NHLRC2: variants seen among roughly 807,000 people sequenced by gnomAD.
The protein encoded by NHLRC2 is NHL repeat containing 2.
NHLRC2 carries 33 observed loss-of-function variants against 68.1 expected under a neutral mutation model. That is an observed-to-expected ratio of 0.48 (90% CI 0.37 to 0.65). The LOEUF (loss-of-function observed/expected upper bound fraction) is 0.65. Ranked by LOEUF, NHLRC2 falls within the 30% of genes least tolerant of loss-of-function variation. The pLI is 0.00. For synonymous variants in NHLRC2, 311 were observed against 309.6 expected, an observed-to-expected ratio of 1.00 and a Z score of -0.05; for missense variants, 761 against 853.8, an observed-to-expected ratio of 0.89 and a Z score of 1.35.
intron 2 of NHLRC2, among the ~76,000 whole-genome samples, chr10:113,867,493 AT>A (rs1325293384): frequency 6.6e-6 from 1 of 152,032 alleles, no homozygotes; most frequent in Non-Finnish European, 1.5e-5. Context: ...TTTCATTTTT[AT>A]GTTTCCATTG....
chr10:113,892,603 A>G (rs1028951606), intron 5 of NHLRC2, among the ~76,000 whole-genome samples: 26 of 152,156 alleles, frequency 1.7e-4, no homozygotes, highest in South Asian at 6.2e-4. Context: ...TAAATTGTTA[A>G]TATGACTCTT....
intron 6 of NHLRC2, among the ~76,000 whole-genome samples, chr10:113,898,904 C>T (rs1365788700): frequency 6.6e-6 from 1 of 152,092 alleles, no homozygotes; most frequent in African/African-American, 2.4e-5. Context: ...TGGCATAGTA[C>T]CTAACATGTA....
In NHLRC2 at chr10:113,901,838, AC is replaced by A; in HGVS notation, c.1314del (p.Val439PhefsTer3). 1 of 1,614,126 alleles carries A rather than the reference AC, an allele frequency of 6.2e-7. No homozygotes were observed. The highest frequency in any genetic ancestry group is 8.5e-7 in the Non-Finnish European group (1 of 1,179,984). On this transcript the variant is annotated frameshift_variant, in exon 7 of 11. Transcript: ENST00000369301. LOFTEE classifies it high-confidence loss of function. Reference sequence around the variant, plus strand: ...AGATAGTGAGAGCAGTACAGTGAGAACCGTTTCACTGAAAGATGGAGCAGTG... The same window carrying A: ...AGATAGTGAGAGCAGTACAGTGAGAACGTTTCACTGAAAGATGGAGCAGTG... ...VADSESSTVR[T>X]VSLKDGAVKH...
rs1390221279 is a variant in NHLRC2, at chr10:113,911,796, G to T, written c.*3260G>T. ...AATTCTATAGTTAACAGTTACATAAGAATATATGCAGAGGGAAAATGTCAA... is the reference window on the plus strand; with the variant it reads ...AATTCTATAGTTAACAGTTACATAATAATATATGCAGAGGGAAAATGTCAA... On this transcript the variant is annotated 3_prime_UTR_variant, in exon 11 of 11. Coordinates refer to ENST00000369301, the MANE Select transcript of NHLRC2 (RefSeq NM_198514.4). The T allele has an allele frequency of 6.6e-6, 1 of 151,868 alleles. No homozygotes were observed. The highest frequency in any genetic ancestry group is 1.5e-5 in the Non-Finnish European group (1 of 67,954). 9.4% of individuals were successfully genotyped at this position (151,868 alleles called of 1,614,324 possible). A position where few individuals can be genotyped will look rare whatever the true frequency, so the allele number is the denominator to read the frequency against.
At chr10:113,905,806 G>A (rs919015021) in intron 10 of NHLRC2, among the ~76,000 whole-genome samples, 1 of 152,034 alleles carries the variant, frequency 6.6e-6, no homozygotes, top group African/African-American at 2.4e-5. Flanking sequence ...GCAGCCACTG[G>A]CCTGCAATTA....
chr10:113,887,495 C>A (rs911165139), intron 5 of NHLRC2, among the ~76,000 whole-genome samples: 5 of 152,182 alleles, frequency 3.3e-5, no homozygotes, highest in African/African-American at 1.2e-4. Flanking sequence ...TAAGGCTGGG[C>A]ATGGTGGCTC....
At chr10:113,903,874 CAA>C (rs1449283626) in intron 9 of NHLRC2, 138 bp downstream of exon 9, 3 of 612,954 alleles carry the variant, frequency 4.9e-6, no homozygotes, top group Non-Finnish European at 8.8e-6. Context: ...TATTCTTTGA[CAA>C]AGAGACCAGC....
intron 3 of NHLRC2, among the ~76,000 whole-genome samples, chr10:113,878,822 C>G (rs537124755): frequency 8.2e-4 from 125 of 152,274 alleles, no homozygotes; most frequent in African/African-American, 2.8e-3. Flanking sequence ...AGCCACTGTG[C>G]CAGGCCTTGG....
chr10:113,879,522 T>G (rs1242729967), intron 3 of NHLRC2, 52 bp from the exon 4 acceptor site: 1 of 1,502,988 alleles, frequency 6.7e-7, no homozygotes, highest in Non-Finnish European at 9.0e-7. Flanking sequence ...TTTGTTTTGT[T>G]TTGTTTTACC....
In NHLRC2 at chr10:113,854,752, T is replaced by G. The variant is rs1845723648; in HGVS notation, c.-121T>G. On this transcript the variant is annotated 5_prime_UTR_variant, in exon 1 of 11. Transcript: ENST00000369301. ...AGAAAAAAGTGTCATTGGCGTGGAG[T>G]GGGGCTAGTGGAGGGTGAGGTGAAT... 9.8e-6 allele frequency: 7 copies of G among 711,180 alleles called. No individual in the cohort carries two copies. Among genetic ancestry groups the G allele is most frequent in the South Asian group, 6.1e-5 (3 of 49,460 alleles). 44.1% of individuals were successfully genotyped at this position (711,180 alleles called of 1,614,324 possible). A position where few individuals can be genotyped will look rare whatever the true frequency, so the allele number is the denominator to read the frequency against.
At chr10:113,862,057 G>T (rs933161837) in intron 2 of NHLRC2, among the ~76,000 whole-genome samples, 9 of 151,830 alleles carry the variant, frequency 5.9e-5, no homozygotes, top group African/African-American at 2.2e-4. Flanking sequence ...ATTTTTTTTA[G>T]TAGAGACAGG....
chr10:113,912,036 T>C lies in NHLRC2; in HGVS notation c.*3500T>C, dbSNP rs1015282481. 6.6e-5 allele frequency: 10 copies of C among 152,192 alleles called. No homozygotes were observed. The highest frequency in any genetic ancestry group is 2.4e-4 in the African/African-American group (10 of 41,450). 9.4% of individuals were successfully genotyped at this position (152,192 alleles called of 1,614,324 possible). ...CCAGAGCTCAGAACATTGTTTGGAG[T>C]CCTTTGATCTACCGGTTCTCTTAAG... is the stretch of plus-strand genomic sequence containing the variant. On this transcript the variant is annotated 3_prime_UTR_variant, in exon 11 of 11. Transcript: ENST00000369301.
In NHLRC2 at chr10:113,908,403, G is replaced by C. The variant is rs142447973; in HGVS notation, c.2048G>C (p.Ser683Thr). Residue 683 changes from serine (S) to threonine (T), a missense_variant, in exon 11 of 11, where the codon AGT becomes ACT. Transcript: ENST00000369301. ...CLSLEAIVSV[S>T]VFLYYCSADS... ...TCACTTGAAGCCATTGTATCTGTCA[G>C]TGTGTTTCTTTATTACTGTAGTGCA... 5.0e-6 allele frequency: 8 copies of C among 1,613,980 alleles called. No homozygotes were observed. The African/African-American group carries it at 5.3e-5, about 11-fold the overall frequency.
intron 5 of NHLRC2, among the ~76,000 whole-genome samples, chr10:113,894,782 C>A (rs1846163264): frequency 6.6e-6 from 1 of 151,934 alleles, no homozygotes; most frequent in Non-Finnish European, 1.5e-5. Flanking sequence ...TGAATGGAAG[C>A]TTGTTGGAGA....
chr10:113,905,095 T>A (rs1846264914), intron 10 of NHLRC2, 59 bp downstream of exon 10: 1 of 900,684 alleles, frequency 1.1e-6, no homozygotes, highest in Non-Finnish European at 1.7e-6. Context: ...TTAATCTAGT[T>A]ATTTTTTATT....
chr10:113,906,949 T>G (rs1210074900), intron 10 of NHLRC2, among the ~76,000 whole-genome samples: 2 of 152,214 alleles, frequency 1.3e-5, no homozygotes, highest in Non-Finnish European at 2.9e-5. Flanking sequence ...CTCACGCCAC[T>G]GCACTCTAGC....
At chr10:113,899,930 A>AG (rs60668382) in intron 6 of NHLRC2, among the ~76,000 whole-genome samples, 3 of 152,002 alleles carry the variant, frequency 2.0e-5, no homozygotes, top group Non-Finnish European at 4.4e-5. Context: ...AAAAAAAAAA[A>AG]TTGAAATTGT....
At chr10:113,861,064 G>T (rs1845812207) in intron 2 of NHLRC2, among the ~76,000 whole-genome samples, 1 of 152,088 alleles carries the variant, frequency 6.6e-6, no homozygotes, top group South Asian at 2.1e-4. Flanking sequence ...ACCCTCATAG[G>T]TCAGGGGCCA....
intron 5 of NHLRC2, among the ~76,000 whole-genome samples, chr10:113,894,814 T>C (rs1470990734): frequency 6.6e-6 from 1 of 152,186 alleles, no homozygotes; most frequent in African/African-American, 2.4e-5. Flanking sequence ...TTTATTGTTA[T>C]GTGTGGCTTT....
Sources: gnomAD v4.1 joint callset for allele counts (sites outside exome capture counted in the v4.1 genomes callset) on GRCh38, gnomAD v4.1.1 for gene constraint, MANE v1.5 for transcripts, NCBI Gene and HGNC (gene_info 2026-07-23, HGNC 2026-07-21) for gene names.